Variants in ADRA1A observed in about 807,000 individuals in gnomAD.
The protein encoded by ADRA1A is adrenoceptor alpha 1A.
ADRA1A carries 31 observed loss-of-function variants against 29.6 expected under a neutral mutation model. The observed-to-expected ratio is 1.05, with a 90% CI of 0.79 to 1.41. The LOEUF (loss-of-function observed/expected upper bound fraction) is 1.41, where lower values mean the gene tolerates loss of function less well. ADRA1A is among the 40% of genes most tolerant of loss of function. The pLI is 0.00. For missense variants in ADRA1A, 619 were observed against 601.1 expected (o/e 1.03, Z -0.31); for synonymous variants, 311 against 254.3 (o/e 1.22, Z -2.12).
chr8:26,846,280 G>C (rs958786152), intron 2 of ADRA1A, among the ~76,000 whole-genome samples: 2 of 152,172 alleles, frequency 1.3e-5, no homozygotes, highest in East Asian at 3.8e-4. Context: ...TGCTGTTTCT[G>C]ATGTATTTTT....
chr8:26,842,119 A>C (rs1188021106), intron 2 of ADRA1A, among the ~76,000 whole-genome samples: 1 of 152,212 alleles, frequency 6.6e-6, no homozygotes, highest in Admixed American at 6.5e-5. Flanking sequence ...AACCCTGTCC[A>C]ACAGAACATT....
At chr8:26,858,556 T>C (rs1374845874) in intron 2 of ADRA1A, among the ~76,000 whole-genome samples, 1 of 152,186 alleles carries the variant, frequency 6.6e-6, no homozygotes, top group East Asian at 1.9e-4. Context: ...GCCAACAGTT[T>C]CTCCATTCAG....
At chr8:26,861,558 C>T (rs898813588) in intron 2 of ADRA1A, among the ~76,000 whole-genome samples, 1 of 151,752 alleles carries the variant, frequency 6.6e-6, no homozygotes, top group African/African-American at 2.4e-5. Context: ...ATCTGTAGCC[C>T]GCCTCCTCTC....
At chr8:26,778,318 C>G (rs896879316) in intron 2 of ADRA1A, among the ~76,000 whole-genome samples, 6 of 152,152 alleles carry the variant, frequency 3.9e-5, no homozygotes, top group Non-Finnish European at 8.8e-5. Context: ...GAAACACTCT[C>G]AGAAGATAGC....
chr8:26,799,100 T>C (rs1443032974), intron 2 of ADRA1A, among the ~76,000 whole-genome samples: 7 of 152,170 alleles, frequency 4.6e-5, no homozygotes, highest in African/African-American at 1.7e-4. Flanking sequence ...TGTATATAGT[T>C]GTTCAAAAGT....
rs61761849 is a variant in ADRA1A, at chr8:26,839,661, C to T, written c.883+24426G>A. On this transcript the variant is annotated intron_variant, in intron 2 of 2. Coordinates refer to ENST00000380573, the MANE Select transcript of ADRA1A (RefSeq NM_000680.4). ...TAAAAGATATTTTGAGATCTTAGTC[C>T]ACTCTGGGGTGGCTTCCCAGAAGAG... 3.6e-4 allele frequency among the ~76,000 whole-genome samples: 55 copies of T among 152,254 alleles called. 1 individual carries two copies. Among genetic ancestry groups the T allele is most frequent in the Admixed American group, 1.5e-3 (23 of 15,304 alleles).
Position 26,786,039 on chromosome 8 carries a change from T to C in ADRA1A, c.884-15373A>G, listed in dbSNP as rs1219819685. ...TCCCTTTTCCCTAGGATGACCTTTA[T>C]GGAATACAACTCTAATTCGGTGACA... is the stretch of plus-strand genomic sequence containing the variant. On this transcript the variant is annotated intron_variant, in intron 2 of 2. Transcript: ENST00000380573. 2.0e-5 allele frequency among the ~76,000 whole-genome samples: 3 copies of C among 152,226 alleles called. No individual in the cohort carries two copies. The South Asian group carries it at 6.2e-4, about 32-fold the overall frequency.
chr8:26,835,721 G>C (rs909673385), intron 2 of ADRA1A: 10 of 152,166 alleles, frequency 6.6e-5, no homozygotes, highest in Admixed American at 3.3e-4. Flanking sequence ...ACTATGTCAG[G>C]TAGGAAATGC....
Position 26,819,271 on chromosome 8 carries a change from C to T in ADRA1A, c.883+44816G>A, listed in dbSNP as rs111670327. On this transcript the variant is annotated intron_variant, in intron 2 of 2. Coordinates refer to ENST00000380573, the MANE Select transcript of ADRA1A (RefSeq NM_000680.4). ...AGAAACAAAAGCTGTGGGAATTCTTCACCATGAAACTGCCTTATAAGAAAT... is the reference window on the plus strand; with the variant it reads ...AGAAACAAAAGCTGTGGGAATTCTTTACCATGAAACTGCCTTATAAGAAAT... Among the ~76,000 whole-genome samples the T allele has an allele frequency of 2.4e-3, 361 of 152,254 alleles. 2 individuals are homozygous for T. The highest frequency in any genetic ancestry group is 8.4e-3 in the African/African-American group (350 of 41,564).
chr8:26,812,876 C>T (rs894172253), intron 2 of ADRA1A, among the ~76,000 whole-genome samples: 3 of 151,912 alleles, frequency 2.0e-5, no homozygotes, highest in African/African-American at 7.3e-5. Flanking sequence ...CCGTGTTAGC[C>T]AGGATGGTCT....
chr8:26,844,657 C>T (rs964473657), intron 2 of ADRA1A, among the ~76,000 whole-genome samples: 1 of 152,106 alleles, frequency 6.6e-6, no homozygotes, highest in African/African-American at 2.4e-5. Context: ...ATAGATGATG[C>T]TTGGACAATT....
intron 2 of ADRA1A, among the ~76,000 whole-genome samples, chr8:26,829,959 G>T (rs1337845592): frequency 1.3e-5 from 2 of 151,876 alleles, no homozygotes; most frequent in Non-Finnish European, 2.9e-5. Flanking sequence ...GTGTGTGTCT[G>T]GGGGGTGGGG....
intron 2 of ADRA1A, among the ~76,000 whole-genome samples, chr8:26,760,261 G>A (rs1378269187): frequency 6.6e-6 from 1 of 152,218 alleles, no homozygotes; most frequent in African/African-American, 2.4e-5. Context: ...TTTTCAAGAG[G>A]CACAAGGTGT....
chr8:26,757,837 A>T (rs1235676946), intron 2 of ADRA1A, among the ~76,000 whole-genome samples: 1 of 145,704 alleles, frequency 6.9e-6, no homozygotes, highest in Admixed American at 6.9e-5. Flanking sequence ...TCTTTCCCAT[A>T]ACATCATTTA....
At position 26,770,355 on chromosome 8, in the gene ADRA1A, A is replaced by G. The variant is rs1563237725; in HGVS notation, c.1195T>C (p.Phe399Leu). 6.2e-7 allele frequency: 1 copy of G among 1,614,142 alleles called. No homozygotes were observed. Residue 399 changes from phenylalanine (F) to leucine (L), a missense_variant, in exon 3 of 3, where the codon TTT becomes CTT. Coordinates refer to ENST00000380573, the MANE Select transcript of ADRA1A (RefSeq NM_000680.4). ...SKTDGVCEWK[F>L]FSSMPRGSAR... ...GATCCACGGGGCATGGAAGAGAAAA[A>G]TTTCCATTCACAAACGCCATCCGTC... is the stretch of plus-strand genomic sequence containing the variant.
chr8:26,826,211 A>G (rs763607776), intron 2 of ADRA1A, among the ~76,000 whole-genome samples: 10 of 152,228 alleles, frequency 6.6e-5, no homozygotes, highest in Non-Finnish European at 1.5e-4. Flanking sequence ...GTAATTAATG[A>G]AAGTCTCATG....
rs1805952994 is a variant in ADRA1A at position 26,769,103 on chromosome 8, T to C, written c.*1046A>G. 5.1e-6 allele frequency: 5 copies of C among 985,316 alleles called. No individual in the cohort carries two copies. Among genetic ancestry groups the C allele is most frequent in the Non-Finnish European group, 4.8e-6 (4 of 829,908 alleles). The allele number at this position is 985,316 out of a possible 1,614,324, so 61.0% of individuals were successfully genotyped here. ...TGCCACAGGTGAAGCTCATTCATTA[T>C]GCAATAGTGAAGCAGATAAGAAGTA... On this transcript the variant is annotated 3_prime_UTR_variant, in exon 3 of 3. Coordinates refer to ENST00000380573, the MANE Select transcript of ADRA1A (RefSeq NM_000680.4).
At chr8:26,780,774 C>A (rs2130352649) in intron 2 of ADRA1A, among the ~76,000 whole-genome samples, 1 of 152,310 alleles carries the variant, frequency 6.6e-6, no homozygotes, top group South Asian at 2.1e-4. Context: ...CCTGTCAGAT[C>A]AGCAGTGGCA....
chr8:26,865,084 C>T lies in ADRA1A; in HGVS notation c.-115G>A, dbSNP rs1210722419. On this transcript the variant is annotated 5_prime_UTR_variant, in exon 2 of 3. Transcript: ENST00000380573. This position sits in a 1 kb window ranked among gnomAD's most constrained non-coding sequence, Gnocchi z 7.6. The stretch of plus-strand genomic sequence containing the variant: ...AGGTCTCGGCTGGAGGGAGCCCTGC[C>T]AGGTGGGTTTGGCTGGGGGTGAGAG... 2.7e-6 allele frequency: 4 copies of T among 1,501,206 alleles called. No individual in the cohort carries two copies. The highest frequency in any genetic ancestry group is 3.5e-6 in the Non-Finnish European group (4 of 1,136,016). The allele number at this position is 1,501,206 out of a possible 1,614,324, so 93.0% of individuals were successfully genotyped here.
Sources: gnomAD v4.1 joint callset for allele counts (sites outside exome capture counted in the v4.1 genomes callset) on GRCh38, gnomAD v4.1.1 for gene constraint, Gnocchi (gnomAD v3.1) non-coding constraint, MANE v1.5 for transcripts, NCBI Gene and HGNC (gene_info 2026-07-23, HGNC 2026-07-21) for gene names.